The following KIF1A variants were observed in gnomAD, a reference collection of about 807,000 sequenced individuals.
KIF1A encodes kinesin family member 1A, also known as kinesin-like protein KIF1A.
Under a neutral mutation model 227.3 loss-of-function variants are expected in KIF1A, and 46 were observed. The ratio of observed to expected loss-of-function variants is 0.20; its 90% CI spans 0.16 to 0.26. The LOEUF is 0.26. KIF1A is among the 10% of genes least tolerant of loss of function. The pLI is 1.00. For missense variants in KIF1A, 1,683 were observed against 2,485.9 expected (o/e 0.68, Z 6.87); for synonymous variants, 1,022 against 1,012.8 (o/e 1.01, Z -0.17).
At chr2:240,770,091 C>T (rs1241325022) in intron 15 of KIF1A, among the ~76,000 whole-genome samples, 1 of 152,160 alleles carries the variant, frequency 6.6e-6, no homozygotes, top group Admixed American at 6.5e-5. Flanking sequence ...CACCCACAGC[C>T]CAGTGGGACC....
At chr2:240,782,167 G>T (rs893311823) in intron 10 of KIF1A, 2 of 985,144 alleles carry the variant, frequency 2.0e-6, no homozygotes, top group Non-Finnish European at 2.4e-6. Flanking sequence ...GACTCCACAC[G>T]CGCCCGCCTC....
intron 38 of KIF1A, among the ~76,000 whole-genome samples, chr2:240,731,078 C>T (rs1014461695): frequency 8.5e-5 from 13 of 152,168 alleles, no homozygotes; most frequent in South Asian, 2.1e-4. Flanking sequence ...CTTTAAAGCT[C>T]GAAACCTGGC....
At chr2:240,720,033 A>G in intron 45 of KIF1A, 107 bp from the exon 46 acceptor site, 2 of 1,160,626 alleles carry the variant, frequency 1.7e-6, no homozygotes, top group Non-Finnish European at 2.3e-6. Context: ...GCAGTAGGGC[A>G]CCTTCGCAGG....
intron 43 of KIF1A, among the ~76,000 whole-genome samples, chr2:240,722,209 C>T (rs561689249): frequency 6.6e-6 from 1 of 152,342 alleles, no homozygotes; most frequent in East Asian, 1.9e-4. Flanking sequence ...AGCTCCCCAT[C>T]AGCACAGGTA....
At chr2:240,722,271 C>A (rs2045496469) in intron 43 of KIF1A, among the ~76,000 whole-genome samples, 185 bp downstream of exon 43, 1 of 152,182 alleles carries the variant, frequency 6.6e-6, no homozygotes, top group African/African-American at 2.4e-5. Context: ...AGGCACCCAA[C>A]TTTCAGTGCA....
chr2:240,730,540 C>T (rs2125661772), intron 38 of KIF1A, among the ~76,000 whole-genome samples: 1 of 152,350 alleles, frequency 6.6e-6, no homozygotes, highest in African/African-American at 2.4e-5. Flanking sequence ...AGGAAACATG[C>T]AACCCAGATG....
At chr2:240,733,592 CAG>C (rs1250694663) in intron 38 of KIF1A, among the ~76,000 whole-genome samples, 1 of 152,204 alleles carries the variant, frequency 6.6e-6, no homozygotes, top group Non-Finnish European at 1.5e-5. Context: ...CACCCCTGGG[CAG>C]AGTCTTCTCC....
chr2:240,789,139 A>G lies in KIF1A; in HGVS notation c.183+97T>C, dbSNP rs895893628. On this transcript the variant is annotated intron_variant, in intron 3 of 48. Coordinates refer to ENST00000498729, the MANE Select transcript of KIF1A (RefSeq NM_001244008.2). This position sits in a 1 kb window ranked among gnomAD's most constrained non-coding sequence, Gnocchi z 4.8. ...AGGGTGGGGTCCTCGCCCCAGTTAG[A>G]GAGGAATGAGCGGCTCAGAGAAGTT... 1.0e-6 allele frequency: 1 copy of G among 984,226 alleles called. No homozygotes were observed. Among genetic ancestry groups the G allele is most frequent in the Non-Finnish European group, 1.6e-6 (1 of 624,638 alleles). 61.0% of individuals were successfully genotyped at this position (984,226 alleles called of 1,614,324 possible).
chr2:240,794,095 G>T (rs1414128759), intron 2 of KIF1A, among the ~76,000 whole-genome samples: 1 of 152,128 alleles, frequency 6.6e-6, no homozygotes, highest in Non-Finnish European at 1.5e-5. Context: ...GGGCTTGTCT[G>T]GGGGCAGGTC....
At position 240,757,015 on chromosome 2, in the gene KIF1A, T is replaced by C. The variant is rs2049919932; in HGVS notation, c.2858+304A>G. ...GGTTCCTACGGCCTCTCTGCAGAAA[T>C]AGTCCCACCTGCCTGGGGCCACAGC... On this transcript the variant is annotated intron_variant, in intron 27 of 48. Coordinates refer to ENST00000498729, the MANE Select transcript of KIF1A (RefSeq NM_001244008.2). The surrounding 1 kb of genome is among the most constrained non-coding windows in gnomAD (Gnocchi z 6.2). Among the ~76,000 whole-genome samples the C allele has an allele frequency of 6.6e-6, 1 of 152,170 alleles. No individual in the cohort carries two copies. Among genetic ancestry groups the C allele is most frequent in the Non-Finnish European group, 1.5e-5 (1 of 68,014 alleles).
rs1488571816 is a variant in KIF1A at position 240,725,183 on chromosome 2, C to T, written c.4256+88G>A. The T allele has an allele frequency of 1.4e-6, 2 of 1,443,178 alleles. No homozygotes were observed. The highest frequency in any genetic ancestry group is 1.9e-6 in the Non-Finnish European group (2 of 1,065,376). 89.4% of individuals were successfully genotyped at this position (1,443,178 alleles called of 1,614,324 possible). A position where few individuals can be genotyped will look rare whatever the true frequency, so the allele number is the denominator to read the frequency against. On this transcript the variant is annotated intron_variant, in intron 40 of 48. Transcript: ENST00000498729. The surrounding 1 kb of genome is among the most constrained non-coding windows in gnomAD (Gnocchi z 5.8). ...TCGCACAGGGTGAGCTGCCGGGTGG[C>T]CCAAGGACCGCTGCCAGGCAGAGCC... is the stretch of plus-strand genomic sequence containing the variant.
intron 27 of KIF1A, among the ~76,000 whole-genome samples, chr2:240,756,785 G>C (rs887256236): frequency 1.3e-5 from 2 of 152,350 alleles, no homozygotes; most frequent in East Asian, 3.9e-4. Flanking sequence ...AGAGCACTGA[G>C]AGCAGCCGGG....
At chr2:240,719,998 CCCT>C in intron 45 of KIF1A, 72 bp from the exon 46 acceptor site, 1 of 1,488,858 alleles carries the variant, frequency 6.7e-7, no homozygotes, top group East Asian at 2.4e-5. Context: ...CCAGGCTTCA[CCCT>C]CCTCAGAGCA....
intron 38 of KIF1A, among the ~76,000 whole-genome samples, chr2:240,729,142 T>C (rs926270572): frequency 2.0e-5 from 3 of 152,180 alleles, no homozygotes; most frequent in African/African-American, 7.2e-5. Flanking sequence ...TAGTACACTC[T>C]AGCATCCTCA....
At chr2:240,781,493 ACACACAGCTC>A (rs2126037529) in intron 10 of KIF1A, among the ~76,000 whole-genome samples, 1 of 140,900 alleles carries the variant, frequency 7.1e-6, no homozygotes, top group East Asian at 2.0e-4. Context: ...ACACAGCTCC[ACACACAGCTC>A]CACACACACA....
In KIF1A at chr2:240,779,895, C is replaced by A. The variant is rs904402724; in HGVS notation, c.882+2695G>T. On this transcript the variant is annotated intron_variant, in intron 10 of 48. Coordinates refer to ENST00000498729, the MANE Select transcript of KIF1A (RefSeq NM_001244008.2). ...TCCACACGCAGGCTGTCCCATGTTT[C>A]CCCCCAGGCCTCCCCACGCCCCACG... Among the ~76,000 whole-genome samples the A allele has an allele frequency of 2.6e-5, 4 of 152,240 alleles. No homozygotes were observed. The East Asian group carries it at 7.7e-4, about 29-fold the overall frequency.
In KIF1A at chr2:240,740,110, C is replaced by G; in HGVS notation, c.3849G>C (p.Leu1283=). 1.3e-6 allele frequency: 2 copies of G among 1,590,404 alleles called. No homozygotes were observed. Among genetic ancestry groups the G allele is most frequent in the African/African-American group, 1.3e-5 (1 of 74,412 alleles). The change falls in exon 37 of 49, where the codon CTG becomes CTC. Residue 1283 remains leucine (L), a synonymous_variant. Transcript: ENST00000498729. The surrounding 1 kb of genome is among the most constrained non-coding windows in gnomAD (Gnocchi z 6.1). Reference sequence around the variant, plus strand: ...AGCGGATATGGCTGCCTGTCTCATGCAGTAGTGTCACCGTAATCCGTCGCT... The same window carrying G: ...AGCGGATATGGCTGCCTGTCTCATGGAGTAGTGTCACCGTAATCCGTCGCT... The part of the protein sequence containing the change: ...GIQRRITVTL[L]HETGSHIRWK...
At chr2:240,728,958 T>C (rs997899961) in intron 38 of KIF1A, among the ~76,000 whole-genome samples, 2 of 152,192 alleles carry the variant, frequency 1.3e-5, no homozygotes, top group Admixed American at 6.5e-5. Flanking sequence ...TAGAGCACGA[T>C]GAGAACAGAG....
rs995248863 is a variant in KIF1A, at chr2:240,741,513, A to C, written c.3641-136T>G. 6.6e-5 allele frequency: 42 copies of C among 636,058 alleles called. 1 individual carries two copies. The highest frequency in any genetic ancestry group is 8.4e-5 in the Non-Finnish European group (32 of 380,028). The allele number at this position is 636,058 out of a possible 1,614,324, so 39.4% of individuals were successfully genotyped here. A position where few individuals can be genotyped will look rare whatever the true frequency, so the allele number is the denominator to read the frequency against. On this transcript the variant is annotated intron_variant, in intron 34 of 48. Transcript: ENST00000498729. Reference sequence around the variant, plus strand: ...GCACCTCCCCCTCCTCAAGGGAAACAACCAGCCAACCCCAGCCATTCCCAA... The same window carrying C: ...GCACCTCCCCCTCCTCAAGGGAAACCACCAGCCAACCCCAGCCATTCCCAA...
Sources: gnomAD v4.1 joint callset for allele counts (sites outside exome capture counted in the v4.1 genomes callset) on GRCh38, gnomAD v4.1.1 for gene constraint, Gnocchi (gnomAD v3.1) non-coding constraint, MANE v1.5 for transcripts, NCBI Gene and HGNC (gene_info 2026-07-23, HGNC 2026-07-21) for gene names.